TMEM132B: variants seen among roughly 807,000 people sequenced by gnomAD.
TMEM132B encodes the protein transmembrane protein 132B.
Under a neutral mutation model 90.8 loss-of-function variants are expected in TMEM132B, and 18 were observed. That is an observed-to-expected ratio of 0.20 (90% CI 0.14 to 0.29). TMEM132B has a LOEUF of 0.29. TMEM132B is among the 10% of genes least tolerant of loss of function. The probability of loss-of-function intolerance (pLI) is 1.00; values close to 1 mark genes in which losing one functional copy is unlikely to be tolerated. For missense variants in TMEM132B, 1,096 were observed against 1,326.8 expected, an observed-to-expected ratio of 0.83 and a Z score of 2.70; for synonymous variants, 504 against 523.3, an observed-to-expected ratio of 0.96 and a Z score of 0.50.
At chr12:125,231,491 A>T (rs1326643170) in intron 1 of TMEM132B, among the ~76,000 whole-genome samples, 1 of 152,190 alleles carries the variant, frequency 6.6e-6, no homozygotes, top group East Asian at 1.9e-4. Context: ...TTTGGTCCAC[A>T]CAGGAGTATT....
intron 3 of TMEM132B, among the ~76,000 whole-genome samples, chr12:125,503,280 G>A (rs1882744739): frequency 6.6e-6 from 1 of 152,184 alleles, no homozygotes; most frequent in Non-Finnish European, 1.5e-5. Context: ...TGGTGGTGGT[G>A]AGTGTACGGG....
intron 4 of TMEM132B, among the ~76,000 whole-genome samples, chr12:125,579,408 C>G (rs753547832): frequency 4.0e-5 from 6 of 151,248 alleles, no homozygotes; most frequent in Non-Finnish European, 5.9e-5. Context: ...GTGGCCCAGG[C>G]TGGAGTGCAA....
chr12:125,454,332 T>TA, intron 3 of TMEM132B, among the ~76,000 whole-genome samples: 1 of 152,098 alleles, frequency 6.6e-6, no homozygotes, highest in East Asian at 1.9e-4. Flanking sequence ...TGGCAACAGT[T>TA]ACGCAGAAAG....
intron 1 of TMEM132B, among the ~76,000 whole-genome samples, chr12:125,228,258 C>T (rs953289352): frequency 6.6e-6 from 1 of 152,144 alleles, no homozygotes; most frequent in African/African-American, 2.4e-5. Context: ...GCCAGAATTC[C>T]CTTGGCCTCT....
chr12:125,605,028 A>G (rs546121441), intron 5 of TMEM132B, among the ~76,000 whole-genome samples: 1 of 152,330 alleles, frequency 6.6e-6, no homozygotes, highest in South Asian at 2.1e-4. Context: ...GGAAGTTTGG[A>G]CTAAGAAACA....
intron 3 of TMEM132B, among the ~76,000 whole-genome samples, chr12:125,449,916 A>G (rs1881105197): frequency 6.6e-6 from 1 of 152,182 alleles, no homozygotes; most frequent in Non-Finnish European, 1.5e-5. Context: ...AACCAAAGAA[A>G]TGACATTTGA....
chr12:125,373,591 ATG>A (rs1156409493), intron 2 of TMEM132B, among the ~76,000 whole-genome samples: 28 of 152,194 alleles, frequency 1.8e-4, no homozygotes, highest in Non-Finnish European at 3.1e-4. Context: ...GGTACTTCGT[ATG>A]GCAGCCCCAG....
intron 2 of TMEM132B, among the ~76,000 whole-genome samples, chr12:125,354,802 T>C (rs998400711): frequency 6.6e-6 from 1 of 152,248 alleles, no homozygotes; most frequent in African/African-American, 2.4e-5. Flanking sequence ...TAATATGTGT[T>C]AATTGATACT....
chr12:125,271,841 A>C (rs1874844704), intron 1 of TMEM132B, among the ~76,000 whole-genome samples: 1 of 152,080 alleles, frequency 6.6e-6, no homozygotes, highest in Non-Finnish European at 1.5e-5. Flanking sequence ...CTATTGTAAA[A>C]AATTTAATAC....
chr12:125,510,417 A>G (rs1420602535), intron 3 of TMEM132B, among the ~76,000 whole-genome samples: 2 of 152,174 alleles, frequency 1.3e-5, no homozygotes, highest in African/African-American at 2.4e-5. Context: ...AAGTGGGGCA[A>G]TGGGTTGGCC....
intron 4 of TMEM132B, among the ~76,000 whole-genome samples, chr12:125,543,741 A>C (rs539325664): frequency 2.0e-5 from 3 of 152,312 alleles, no homozygotes; most frequent in South Asian, 4.1e-4. Context: ...AAGCTTTTAC[A>C]CTGTTTGTGG....
chr12:125,194,155 G>T (rs1006116381), intron 1 of TMEM132B, among the ~76,000 whole-genome samples: 1 of 152,090 alleles, frequency 6.6e-6, no homozygotes, highest in Non-Finnish European at 1.5e-5. Flanking sequence ...CTTATGCTTC[G>T]GCCCTAAAAT....
At chr12:125,479,099 C>T (rs1419316466) in intron 3 of TMEM132B, among the ~76,000 whole-genome samples, 1 of 152,198 alleles carries the variant, frequency 6.6e-6, no homozygotes, top group Non-Finnish European at 1.5e-5. Context: ...TTTACAAGAG[C>T]TCCTGAGGGA....
At chr12:125,524,676 A>AT (rs1296573410) in intron 4 of TMEM132B, among the ~76,000 whole-genome samples, 2 of 152,338 alleles carry the variant, frequency 1.3e-5, no homozygotes, top group Admixed American at 6.5e-5. Flanking sequence ...CATCATTGTC[A>AT]TTGTGTTATC....
At chr12:125,394,542 G>T (rs60742712) in intron 2 of TMEM132B, among the ~76,000 whole-genome samples, 9,596 of 152,168 alleles carry the variant, frequency 0.063, 921 homozygotes, top group African/African-American at 0.21. Flanking sequence ...AGTGCTTTGA[G>T]GTTGGCAGTC....
At chr12:125,348,504 T>G (rs992266783) in intron 1 of TMEM132B, among the ~76,000 whole-genome samples, 3 of 150,942 alleles carry the variant, frequency 2.0e-5, no homozygotes, top group African/African-American at 7.3e-5. Context: ...TTTGTGTTTT[T>G]TTTTTTTTTT....
At chr12:125,386,503 G>A (rs1354913538) in intron 2 of TMEM132B, among the ~76,000 whole-genome samples, 1 of 152,224 alleles carries the variant, frequency 6.6e-6, no homozygotes, top group Non-Finnish European at 1.5e-5. Context: ...TCACACATGA[G>A]CAAATTAGTA....
chr12:125,279,935 G>A (rs1875112231), intron 1 of TMEM132B, among the ~76,000 whole-genome samples: 1 of 152,224 alleles, frequency 6.6e-6, no homozygotes, highest in Admixed American at 6.5e-5. Context: ...GCCAGGTGCT[G>A]TTTTAACACT....
chr12:125,417,169 C>A (rs564972648), intron 3 of TMEM132B, among the ~76,000 whole-genome samples: 10 of 152,264 alleles, frequency 6.6e-5, no homozygotes, highest in African/African-American at 2.4e-4. Flanking sequence ...GTCTGCAGCT[C>A]TTCCAGGCAT....
Sources: allele counts gnomAD v4.1 joint callset (sites outside exome capture counted in the v4.1 genomes callset), GRCh38; gene constraint gnomAD v4.1.1; transcripts MANE v1.5; gene names NCBI Gene and HGNC (gene_info 2026-07-23, HGNC 2026-07-21).